Variants in LDLRAD3 observed in about 807,000 individuals in gnomAD.
LDLRAD3 encodes low-density lipoprotein receptor class A domain-containing protein 3.
In LDLRAD3, 20 loss-of-function variants were observed where a neutral mutation model predicts 29.4. That is an observed-to-expected ratio of 0.68 (90% confidence interval 0.48 to 0.99). The LOEUF (loss-of-function observed/expected upper bound fraction) is 0.99. Among genes scored for constraint, LDLRAD3 ranks in the 50% least tolerant of loss-of-function variants. LDLRAD3 has a pLI of 0.00. For missense variants in LDLRAD3, 420 were observed against 454.3 expected (o/e 0.92, Z 0.69); for synonymous variants, 157 against 192.7 (o/e 0.81, Z 1.53).
At chr11:36,046,919 A>G (rs1353599832) in intron 2 of LDLRAD3, among the ~76,000 whole-genome samples, 2 of 152,238 alleles carry the variant, frequency 1.3e-5, no homozygotes, top group Non-Finnish European at 2.9e-5. Context: ...TTTAAAAGTC[A>G]GGTGGATGTA....
At chr11:36,179,040 T>C (rs1478420715) in intron 4 of LDLRAD3, among the ~76,000 whole-genome samples, 1 of 152,210 alleles carries the variant, frequency 6.6e-6, no homozygotes, top group Non-Finnish European at 1.5e-5. Flanking sequence ...GCAGGACCTG[T>C]CTCTGTAATT....
At position 36,105,421 on chromosome 11, in the gene LDLRAD3, T is replaced by C. The variant is rs1453542354; in HGVS notation, c.454+6960T>C. 2.0e-5 allele frequency among the ~76,000 whole-genome samples: 3 copies of C among 152,058 alleles called. No individual in the cohort carries two copies. In the East Asian group the frequency reaches 5.8e-4, roughly 29 times the overall value. ...AAGTGGTCTTGGCCCCTTGTTGAAT[T>C]GTCCTCCTCCCCCGCTGAAATTCTT... On this transcript the variant is annotated intron_variant, in intron 4 of 5. Transcript: ENST00000315571.
intron 4 of LDLRAD3, 23 bp from the exon 5 acceptor site, chr11:36,227,062 C>T (rs748509604): frequency 6.6e-7 from 1 of 1,522,384 alleles, no homozygotes; most frequent in Admixed American, 2.0e-5. Context: ...TCTCTCTTTT[C>T]TCTCCTCTCT....
At position 36,159,370 on chromosome 11, in the gene LDLRAD3, G is replaced by A. The variant is rs191860836; in HGVS notation, c.454+60909G>A. On this transcript the variant is annotated intron_variant, in intron 4 of 5. Transcript: ENST00000315571. ...TGTAGTCCCAGCTACTGGAGAAGCC[G>A]AGGTGGGAGGATCACCTGAGCTCGG... 3.6e-3 allele frequency among the ~76,000 whole-genome samples: 550 copies of A among 152,020 alleles called. 1 individual carries two copies. Among genetic ancestry groups the A allele is most frequent in the African/African-American group, 0.012 (513 of 41,474 alleles).
intron 4 of LDLRAD3, among the ~76,000 whole-genome samples, chr11:36,103,458 C>A (rs1264195004): frequency 6.6e-6 from 1 of 152,068 alleles, no homozygotes; most frequent in Non-Finnish European, 1.5e-5. Context: ...CCGGGATGGT[C>A]TCCATCTCCT....
chr11:36,115,761 G>A (rs1853665948), intron 4 of LDLRAD3, among the ~76,000 whole-genome samples: 1 of 152,190 alleles, frequency 6.6e-6, no homozygotes, highest in African/African-American at 2.4e-5. Flanking sequence ...TCCTTGGCAT[G>A]AGACTGAAGC....
chr11:36,070,872 C>A (rs1852889425), intron 2 of LDLRAD3, among the ~76,000 whole-genome samples: 1 of 152,084 alleles, frequency 6.6e-6, no homozygotes, highest in Admixed American at 6.5e-5. Flanking sequence ...CCTGCCCTTG[C>A]CCTTTGTCAA....
intron 4 of LDLRAD3, among the ~76,000 whole-genome samples, chr11:36,136,400 T>TA (rs1345786564): frequency 1.3e-5 from 2 of 152,334 alleles, no homozygotes; most frequent in East Asian, 3.9e-4. Flanking sequence ...CGTTGAATTG[T>TA]AATCCCCAGT....
chr11:36,017,832 A>G (rs1852043660), intron 1 of LDLRAD3, among the ~76,000 whole-genome samples: 1 of 152,102 alleles, frequency 6.6e-6, no homozygotes, highest in South Asian at 2.1e-4. Flanking sequence ...CCCATGTTTC[A>G]TTTAATACAG....
chr11:36,095,985 G>A (rs1009155529), intron 3 of LDLRAD3, among the ~76,000 whole-genome samples: 3 of 152,160 alleles, frequency 2.0e-5, no homozygotes, highest in Non-Finnish European at 4.4e-5. Context: ...TCTCCATCTC[G>A]GTTTTGGCTG....
chr11:36,106,679 G>A (rs939328966), intron 4 of LDLRAD3, among the ~76,000 whole-genome samples: 2 of 152,170 alleles, frequency 1.3e-5, no homozygotes, highest in African/African-American at 4.8e-5. Context: ...AGTTCATCGA[G>A]GGAACTGTCC....
Position 36,227,251 on chromosome 11 carries a change from C to G in LDLRAD3, c.621C>G (p.Pro207=), listed in dbSNP as rs369754473. The change falls in exon 5 of 6, where the codon CCC becomes CCG. Residue 207 remains proline, a synonymous_variant. Transcript: ENST00000315571. ...QRKRNNLMTL[P]VHRLQHPVLL... is the part of the protein sequence containing the mutation. ...AGCGGAACAACCTCATGACGCTGCC[C>G]GTGCACCGGCTGCAGCACCCTGTGC... The G allele has an allele frequency of 6.2e-7, 1 of 1,614,066 alleles. No individual in the cohort carries two copies. The highest frequency in any genetic ancestry group is 8.5e-7 in the Non-Finnish European group (1 of 1,180,004).
chr11:35,961,183 G>A (rs554745312), intron 1 of LDLRAD3, among the ~76,000 whole-genome samples: 1 of 152,366 alleles, frequency 6.6e-6, no homozygotes, highest in African/African-American at 2.4e-5. Context: ...AGAAGGCAGT[G>A]AGCGTCAGCC....
chr11:36,073,612 C>T (rs1326850928), intron 2 of LDLRAD3, among the ~76,000 whole-genome samples: 3 of 152,224 alleles, frequency 2.0e-5, no homozygotes, highest in Admixed American at 6.5e-5. Flanking sequence ...GCCAGGCACT[C>T]GGCTGGTTGC....
chr11:36,023,154 G>A (rs77385969), intron 1 of LDLRAD3, among the ~76,000 whole-genome samples: 2,112 of 152,234 alleles, frequency 0.014, 28 homozygotes, highest in East Asian at 0.067. Context: ...TTTGCTTGAC[G>A]GAAACAGGCT....
chr11:36,140,229 G>T (rs1854061283), intron 4 of LDLRAD3, among the ~76,000 whole-genome samples: 1 of 152,178 alleles, frequency 6.6e-6, no homozygotes, highest in Non-Finnish European at 1.5e-5. Flanking sequence ...CCTATGAGGG[G>T]ATGTGCACTT....
At chr11:35,950,744 G>A (rs942177827) in intron 1 of LDLRAD3, among the ~76,000 whole-genome samples, 44 of 152,210 alleles carry the variant, frequency 2.9e-4, no homozygotes, top group African/African-American at 1.0e-3. Context: ...AGCACTGTAC[G>A]TGTCTTATTT....
intron 2 of LDLRAD3, among the ~76,000 whole-genome samples, chr11:36,045,104 C>A (rs1852430948): frequency 6.6e-6 from 1 of 152,170 alleles, no homozygotes; most frequent in Non-Finnish European, 1.5e-5. Context: ...CTCTTTGTGC[C>A]TTGTGGCCTA....
intron 2 of LDLRAD3, among the ~76,000 whole-genome samples, chr11:36,061,118 C>T (rs1392913041): frequency 6.6e-6 from 1 of 152,082 alleles, no homozygotes; most frequent in Non-Finnish European, 1.5e-5. Flanking sequence ...TCCTCTTCCT[C>T]ATTTACGGTA....
Sources: gnomAD v4.1 joint callset for allele counts (sites outside exome capture counted in the v4.1 genomes callset) on GRCh38, gnomAD v4.1.1 for gene constraint, MANE v1.5 for transcripts, NCBI Gene and HGNC (gene_info 2026-07-23, HGNC 2026-07-21) for gene names.